Variants in PTPRD observed in about 807,000 individuals in gnomAD.
PTPRD encodes the protein receptor-type tyrosine-protein phosphatase delta.
PTPRD carries 34 observed loss-of-function variants against 214.5 expected under a neutral mutation model. That is an observed-to-expected ratio of 0.16 (90% CI 0.12 to 0.21). PTPRD has a LOEUF of 0.21. PTPRD is among the 10% of genes least tolerant of loss of function. The pLI is 1.00. For synonymous variants in PTPRD, 1,128 were observed against 845.7 expected (o/e 1.33, Z -5.79); for missense variants, 2,545 against 2,398.7 (o/e 1.06, Z -1.27).
At chr9:9,588,514 T>G (rs912274715) in intron 7 of PTPRD, among the ~76,000 whole-genome samples, 1 of 152,012 alleles carries the variant, frequency 6.6e-6, no homozygotes, top group African/African-American at 2.4e-5. Flanking sequence ...GGATTTTCTA[T>G]AATATGGTAG....
At position 8,486,332 on chromosome 9, in the gene PTPRD, G is replaced by A. The variant is rs2135980278; in HGVS notation, c.2485C>T (p.Leu829Phe). 1.2e-6 allele frequency: 2 copies of A among 1,614,104 alleles called. No homozygotes were observed. Among genetic ancestry groups the A allele is most frequent in the Non-Finnish European group, 1.7e-6 (2 of 1,179,972 alleles). ...TTGAVPGKPR[L>F]VINHTQMNTA... ...TTCATCTGAGTGTGGTTAATCACAA[G>A]CCGAGGTTTCCCTGGAACTGGAGCA... The change falls in exon 28 of 46, where the codon CTT becomes TTT. Residue 829 changes from leucine to phenylalanine, a missense_variant. By Grantham distance (22) the Leu-to-Phe change is conservative (BLOSUM62 0). Transcript: ENST00000381196.
intron 7 of PTPRD, among the ~76,000 whole-genome samples, chr9:9,617,644 G>A (rs2094958387): frequency 6.6e-6 from 1 of 152,138 alleles, no homozygotes; most frequent in African/African-American, 2.4e-5. Flanking sequence ...AATACACTAA[G>A]GATTTCTATA....
intron 3 of PTPRD, among the ~76,000 whole-genome samples, chr9:10,084,535 T>C (rs1018510019): frequency 1.3e-5 from 2 of 151,996 alleles, no homozygotes; most frequent in African/African-American, 2.4e-5. Flanking sequence ...TCTGCATGAG[T>C]AGCTATGGCA....
chr9:9,937,867 C>T (rs1439682415), intron 5 of PTPRD, among the ~76,000 whole-genome samples: 1 of 152,068 alleles, frequency 6.6e-6, no homozygotes, highest in Non-Finnish European at 1.5e-5. Context: ...ATTCAGTTTA[C>T]CAAAGTTTCA....
intron 9 of PTPRD, among the ~76,000 whole-genome samples, chr9:9,236,583 AG>A (rs2099966871): frequency 1.3e-5 from 2 of 151,252 alleles, no homozygotes; most frequent in Non-Finnish European, 2.9e-5. Context: ...CCATTTCCTT[AG>A]TACATTCCTT....
At chr9:9,840,452 A>C (rs2153634074) in intron 5 of PTPRD, among the ~76,000 whole-genome samples, 1 of 152,318 alleles carries the variant, frequency 6.6e-6, no homozygotes, top group South Asian at 2.1e-4. Flanking sequence ...GGTATAAAAC[A>C]AAGTAAATAC....
intron 2 of PTPRD, among the ~76,000 whole-genome samples, chr9:10,426,288 G>T (rs2098615243): frequency 6.6e-6 from 1 of 152,096 alleles, no homozygotes; most frequent in East Asian, 2.0e-4. Flanking sequence ...CTCATTTCAT[G>T]AGTATTGTCA....
intron 3 of PTPRD, among the ~76,000 whole-genome samples, chr9:10,294,469 T>G (rs2095618319): frequency 6.6e-6 from 1 of 151,790 alleles, no homozygotes; most frequent in South Asian, 2.1e-4. Flanking sequence ...GTAAATCAAG[T>G]CAACTCAAAA....
At chr9:8,349,060 T>A (rs1302319725) in intron 39 of PTPRD, among the ~76,000 whole-genome samples, 1 of 151,644 alleles carries the variant, frequency 6.6e-6, no homozygotes, top group Non-Finnish European at 1.5e-5. Flanking sequence ...AAAAAAAAAA[T>A]TTAAAAAACT....
intron 11 of PTPRD, among the ~76,000 whole-genome samples, chr9:8,811,035 AG>A (rs1486180356): frequency 2.6e-5 from 4 of 152,128 alleles, no homozygotes; most frequent in Admixed American, 2.6e-4. Flanking sequence ...GTGCCCAGGC[AG>A]GGTGCGGTCA....
At chr9:9,956,280 TAAAAA>T (rs202114228) in intron 4 of PTPRD, among the ~76,000 whole-genome samples, 7 of 127,574 alleles carry the variant, frequency 5.5e-5, no homozygotes, top group African/African-American at 1.5e-4. Flanking sequence ...AAGTCAAACT[TAAAAA>T]AAAAAAAAAA....
chr9:9,545,341 A>C (rs766674589), intron 8 of PTPRD, among the ~76,000 whole-genome samples: 51 of 151,880 alleles, frequency 3.4e-4, no homozygotes, highest in Middle Eastern at 3.4e-3. Context: ...AACTACTGAT[A>C]TTTTTAATGT....
chr9:9,540,984 A>G (rs1313120207), intron 8 of PTPRD, among the ~76,000 whole-genome samples: 1 of 145,118 alleles, frequency 6.9e-6, no homozygotes, highest in Non-Finnish European at 1.6e-5. Context: ...ATAGCTGAAG[A>G]TATTAAAAAA....
At chr9:8,877,860 C>G (rs1157037018) in intron 11 of PTPRD, among the ~76,000 whole-genome samples, 1 of 152,136 alleles carries the variant, frequency 6.6e-6, no homozygotes, top group Non-Finnish European at 1.5e-5. Flanking sequence ...TTCTCCCTTT[C>G]TTAAACATGA....
intron 18 of PTPRD, 27 bp downstream of exon 18, chr9:8,524,898 G>A (rs2139176825): frequency 6.3e-7 from 1 of 1,587,330 alleles, no homozygotes; most frequent in African/African-American, 1.3e-5. Context: ...GAATGAAGAA[G>A]CGATGCCAGG....
intron 9 of PTPRD, among the ~76,000 whole-genome samples, chr9:9,224,873 G>T (rs192909115): frequency 6.6e-6 from 1 of 152,022 alleles, no homozygotes; most frequent in African/African-American, 2.4e-5. Flanking sequence ...TGATACATTT[G>T]CTAATTGCTG....
chr9:10,558,813 C>T (rs1416077870), intron 2 of PTPRD, among the ~76,000 whole-genome samples: 1 of 151,942 alleles, frequency 6.6e-6, no homozygotes, highest in Non-Finnish European at 1.5e-5. Flanking sequence ...AACAATATTC[C>T]CTAGTTTACT....
intron 2 of PTPRD, among the ~76,000 whole-genome samples, chr9:10,437,324 T>C (rs910320618): frequency 1.3e-5 from 2 of 151,856 alleles, no homozygotes; most frequent in African/African-American, 2.4e-5. Flanking sequence ...CACAAATACA[T>C]ATATTCAGAC....
At chr9:10,201,207 C>T (rs1319190974) in intron 3 of PTPRD, among the ~76,000 whole-genome samples, 2 of 151,856 alleles carry the variant, frequency 1.3e-5, no homozygotes, top group African/African-American at 2.4e-5. Flanking sequence ...CAACATGGAA[C>T]ATTTTGAATG....
Sources: gnomAD v4.1 joint callset for allele counts (sites outside exome capture counted in the v4.1 genomes callset) on GRCh38, gnomAD v4.1.1 for gene constraint, MANE v1.5 for transcripts, NCBI Gene and HGNC (gene_info 2026-07-23, HGNC 2026-07-21) for gene names.